Variants in CRIP3 observed in about 807,000 individuals in gnomAD.
CRIP3 encodes the protein cysteine-rich protein 3.
CRIP3 carries 23 observed loss-of-function variants against 30.3 expected under a neutral mutation model. The ratio of observed to expected loss-of-function variants is 0.76; its 90% CI spans 0.55 to 1.08. The LOEUF (loss-of-function observed/expected upper bound fraction) is 1.08. CRIP3 is among the 50% of genes least tolerant of loss of function. The pLI is 0.00. For missense variants in CRIP3, 261 were observed against 259.3 expected, an observed-to-expected ratio of 1.01 and a Z score of -0.04; for synonymous variants, 89 against 97.6, an observed-to-expected ratio of 0.91 and a Z score of 0.52.
intron 7 of CRIP3, 74 bp from the exon 8 acceptor site, chr6:43,305,949 G>C: frequency 1.9e-6 from 3 of 1,611,384 alleles, no homozygotes; most frequent in Non-Finnish European, 1.7e-6. Context: ...GAACTTGGTG[G>C]GGGGGCCAGG....
At chr6:43,308,199 G>A in intron 2 of CRIP3, 116 bp downstream of exon 2, 1 of 942,328 alleles carries the variant, frequency 1.1e-6, no homozygotes, top group South Asian at 1.6e-5. Context: ...GGGCGGCCTT[G>A]GGGTTGGCTA....
At chr6:43,308,583 C>G in intron 1 of CRIP3, 167 bp downstream of exon 1, 1 of 954,802 alleles carries the variant, frequency 1.0e-6, no homozygotes, top group Non-Finnish European at 1.6e-6. Flanking sequence ...ACAGAGCTCT[C>G]AGAGGAAGGG....
chr6:43,308,775 C>A lies in CRIP3; in HGVS notation c.18G>T (p.Pro6=). 5.0e-6 allele frequency: 8 copies of A among 1,614,026 alleles called. No homozygotes were observed. Among genetic ancestry groups the A allele is most frequent in the Non-Finnish European group, 5.9e-6 (7 of 1,180,010 alleles). Residue 6 remains proline (P), a synonymous_variant, in exon 1 of 8, where the codon CCG becomes CCT. Coordinates refer to ENST00000372569, the MANE Select transcript of CRIP3 (RefSeq NM_206922.3). MSWTC[P]RCQQPVFFAE... ...CGAAGAAAACAGGTTGCTGGCAACG[C>A]GGACAGGTCCAGCTCATAGCTCCGC... is the stretch of plus-strand genomic sequence containing the variant.
chr6:43,307,606 C>G lies in CRIP3; in HGVS notation c.328+6G>C, dbSNP rs1778972927. 2.7e-6 allele frequency: 4 copies of G among 1,462,220 alleles called. No individual in the cohort carries two copies. The East Asian group carries it at 9.7e-5, about 35-fold the overall frequency. The allele number at this position is 1,462,220 out of a possible 1,614,324, so 90.6% of individuals were successfully genotyped here. On this transcript the variant is annotated splice_donor_region_variant and intron_variant, in intron 4 of 7. Transcript: ENST00000372569. Reference sequence around the variant, plus strand: ...GAGGACTGGGAGGAGCTGAGCCCAGCCTTACTTTTCTTGCCTTGGGGGAGG... The same window carrying G: ...GAGGACTGGGAGGAGCTGAGCCCAGGCTTACTTTTCTTGCCTTGGGGGAGG...
In CRIP3 at chr6:43,306,330, G is replaced by A; in HGVS notation, c.401-17C>T. 6.2e-7 allele frequency: 1 copy of A among 1,613,676 alleles called. No individual in the cohort carries two copies. The highest frequency in any genetic ancestry group is 8.5e-7 in the Non-Finnish European group (1 of 1,179,674). Reference sequence around the variant, plus strand: ...CCTTCTCAGCTGGTGGTGGAAAGAAGTGGTAATGCTTCCATTCTAGGGGTA... The same window carrying A: ...CCTTCTCAGCTGGTGGTGGAAAGAAATGGTAATGCTTCCATTCTAGGGGTA... On this transcript the variant is annotated splice_polypyrimidine_tract_variant and intron_variant, in intron 5 of 7. Transcript: ENST00000372569.
Position 43,305,524 on chromosome 6 carries a change from C to A in CRIP3, c.*290G>T. The A allele has an allele frequency of 2.1e-6, 1 of 474,342 alleles. No homozygotes were observed. Among genetic ancestry groups the A allele is most frequent in the Non-Finnish European group, 3.8e-6 (1 of 265,202 alleles). 29.4% of individuals were successfully genotyped at this position (474,342 alleles called of 1,614,324 possible). ...CACAGAGGCTGAAATTCAATAAACACAAGTTTTATGAGTACCTTGAAGCTC... is the reference window on the plus strand; with the variant it reads ...CACAGAGGCTGAAATTCAATAAACAAAAGTTTTATGAGTACCTTGAAGCTC... On this transcript the variant is annotated 3_prime_UTR_variant, in exon 8 of 8. Coordinates refer to ENST00000372569, the MANE Select transcript of CRIP3 (RefSeq NM_206922.3).
intron 5 of CRIP3, 66 bp downstream of exon 5, chr6:43,306,380 G>T: frequency 6.2e-7 from 1 of 1,605,522 alleles, no homozygotes; most frequent in South Asian, 1.1e-5. Context: ...ACCTGCCTTG[G>T]ATCACCTCCC....
chr6:43,305,958 G>A lies in CRIP3; in HGVS notation c.554-83C>T, dbSNP rs746611330. On this transcript the variant is annotated intron_variant, in intron 7 of 7. Coordinates refer to ENST00000372569, the MANE Select transcript of CRIP3 (RefSeq NM_206922.3). The stretch of plus-strand genomic sequence containing the variant: ...TAGAGGGAACTTGGTGGGGGGGCCA[G>A]GGTATGCTTAACCACAGGGGAAGTT... 81 of 1,611,118 alleles carry A rather than the reference G, an allele frequency of 5.0e-5. No homozygotes were observed. The South Asian group carries it at 8.4e-4, about 17-fold the overall frequency.
intron 7 of CRIP3, 82 bp from the exon 8 acceptor site, chr6:43,305,957 A>G: frequency 1.9e-6 from 3 of 1,611,114 alleles, no homozygotes; most frequent in Non-Finnish European, 2.5e-6. Context: ...TGGGGGGGCC[A>G]GGGTATGCTT....
At chr6:43,306,703 T>C (rs1189866346) in intron 4 of CRIP3, 186 bp from the exon 5 acceptor site, 2 of 596,268 alleles carry the variant, frequency 3.4e-6, no homozygotes, top group Non-Finnish European at 6.0e-6. Context: ...GCCCCATCCC[T>C]ATGTGTATTA....
chr6:43,307,378 T>A (rs1235430731), intron 4 of CRIP3: 1 of 326,334 alleles, frequency 3.1e-6, no homozygotes, highest in Non-Finnish European at 5.5e-6. Context: ...GACCTCATGA[T>A]CCACCTGCCT....
Position 43,307,725 on chromosome 6 carries a change from ACAC to A in CRIP3, c.212_214del (p.Gly71del). On this transcript the variant is annotated inframe_deletion, in exon 4 of 8. Transcript: ENST00000372569. ...GGGGGGATTGTACAAGTAGGAGCCT[ACAC>A]CACCAATGTTCACCCCTGAAGAGAG... The A allele has an allele frequency of 1.3e-6, 2 of 1,580,412 alleles. No homozygotes were observed. Among genetic ancestry groups the A allele is most frequent in the African/African-American group, 2.7e-5 (2 of 73,632 alleles).
At chr6:43,306,596 T>G in intron 4 of CRIP3, 79 bp from the exon 5 acceptor site, 1 of 1,219,698 alleles carries the variant, frequency 8.2e-7, no homozygotes, top group South Asian at 1.5e-5. Flanking sequence ...TGCTGTCCTC[T>G]TTCAAAAGCC....
chr6:43,308,575 A>T, intron 1 of CRIP3, 166 bp from the exon 2 acceptor site: 8 of 919,940 alleles, frequency 8.7e-6, no homozygotes, highest in Non-Finnish European at 1.3e-5. Context: ...CACTCCCCAC[A>T]GAGCTCTCAG....
rs1307688468 is a variant in CRIP3, at chr6:43,305,812, T to C, written c.*2A>G. The C allele has an allele frequency of 6.2e-7, 1 of 1,613,980 alleles. No individual in the cohort carries two copies. The highest frequency in any genetic ancestry group is 8.5e-7 in the Non-Finnish European group (1 of 1,179,982). Reference sequence around the variant, plus strand: ...GTTAGGGTGACCTTTTTTGTGAGCGTCTCATTTGAATTTTATCTTCACTGG... The same window carrying C: ...GTTAGGGTGACCTTTTTTGTGAGCGCCTCATTTGAATTTTATCTTCACTGG... On this transcript the variant is annotated 3_prime_UTR_variant, in exon 8 of 8. Coordinates refer to ENST00000372569, the MANE Select transcript of CRIP3 (RefSeq NM_206922.3).
In CRIP3 at chr6:43,306,339, C is replaced by T. The variant is rs75190511; in HGVS notation, c.401-26G>A. The T allele has an allele frequency of 1.0e-3, 1,624 of 1,612,766 alleles. 13 individuals carry two copies. The African/African-American group carries it at 0.019, about 19-fold the overall frequency. The stretch of plus-strand genomic sequence containing the variant: ...CTGGTGGTGGAAAGAAGTGGTAATG[C>T]TTCCATTCTAGGGGTAGAGTAGGGA... On this transcript the variant is annotated intron_variant, in intron 5 of 7. Transcript: ENST00000372569.
At position 43,305,507 on chromosome 6, in the gene CRIP3, C is replaced by G; in HGVS notation, c.*307G>C. Reference sequence around the variant, plus strand: ...CATTTTATTGAAGAAGCCACAGAGGCTGAAATTCAATAAACACAAGTTTTA... The same window carrying G: ...CATTTTATTGAAGAAGCCACAGAGGGTGAAATTCAATAAACACAAGTTTTA... On this transcript the variant is annotated 3_prime_UTR_variant, in exon 8 of 8. Coordinates refer to ENST00000372569, the MANE Select transcript of CRIP3 (RefSeq NM_206922.3). The G allele has an allele frequency of 4.6e-6, 2 of 430,454 alleles. No homozygotes were observed. Among genetic ancestry groups the G allele is most frequent in the Non-Finnish European group, 8.4e-6 (2 of 237,932 alleles). 26.7% of individuals were successfully genotyped at this position (430,454 alleles called of 1,614,324 possible).
At chr6:43,306,629 C>T (rs1778939742) in intron 4 of CRIP3, 112 bp from the exon 5 acceptor site, 2 of 894,590 alleles carry the variant, frequency 2.2e-6, no homozygotes, top group African/African-American at 1.7e-5. Flanking sequence ...GAGTGCCCCA[C>T]CCAGGCGCCC....
intron 1 of CRIP3, 29 bp downstream of exon 1, chr6:43,308,721 C>A (rs375500667): frequency 6.2e-7 from 1 of 1,613,868 alleles, no homozygotes; most frequent in Non-Finnish European, 8.5e-7. Context: ...TTCGCCCCAT[C>A]TTCTCCCCCT....
Sources: gnomAD v4.1 joint callset for allele counts on GRCh38, gnomAD v4.1.1 for gene constraint, MANE v1.5 for transcripts, NCBI Gene and HGNC (gene_info 2026-07-23, HGNC 2026-07-21) for gene names.